Variants in FTO observed in about 807,000 individuals in gnomAD.
FTO encodes the protein FTO alpha-ketoglutarate dependent dioxygenase, also known as alpha-ketoglutarate-dependent dioxygenase FTO.
FTO carries 47 observed loss-of-function variants against 63.9 expected under a neutral mutation model. The ratio of observed to expected loss-of-function variants is 0.74; its 90% confidence interval spans 0.58 to 0.94. FTO has a LOEUF of 0.94. Ranked by LOEUF, FTO falls within the 40% of genes least tolerant of loss-of-function variation. The pLI, the probability that FTO is intolerant of heterozygous loss-of-function variation, is 0.00. For missense variants in FTO, 562 were observed against 618.1 expected (o/e 0.91, Z 0.96); for synonymous variants, 207 against 224.4 (o/e 0.92, Z 0.69).
intron 8 of FTO, chr16:54,052,401 A>G (rs1406696992): frequency 6.6e-6 from 1 of 152,200 alleles, no homozygotes; most frequent in African/African-American, 2.4e-5. Flanking sequence ...TTGATATGTG[A>G]TGAAACACAG....
chr16:53,871,142 A>G (rs2080480795), intron 4 of FTO, among the ~76,000 whole-genome samples: 1 of 152,112 alleles, frequency 6.6e-6, no homozygotes, highest in South Asian at 2.1e-4. Flanking sequence ...GTTTAGTCTT[A>G]TATCTTTTTT....
At chr16:54,052,132 A>T (rs1029762745) in intron 8 of FTO, among the ~76,000 whole-genome samples, 1 of 152,138 alleles carries the variant, frequency 6.6e-6, no homozygotes, top group Admixed American at 6.5e-5. Flanking sequence ...CTTCATGGTT[A>T]TGGGCATGTA....
At chr16:53,754,894 G>T (rs1028821075) in intron 1 of FTO, among the ~76,000 whole-genome samples, 6 of 152,102 alleles carry the variant, frequency 3.9e-5, no homozygotes, top group Non-Finnish European at 8.8e-5. Flanking sequence ...TTAACAGATC[G>T]TATGACAATA....
In FTO at chr16:53,754,692, G is replaced by A. The variant is rs548227716; in HGVS notation, c.45+50463G>A. ...TTAAGGGAAAATTAATGGTGAGTTA[G>A]GAAAGGCATGATACACAATGCACCA... On this transcript the variant is annotated intron_variant, in intron 1 of 8. Transcript: ENST00000471389. Among the ~76,000 whole-genome samples the A allele has an allele frequency of 8.5e-5, 13 of 152,236 alleles. No individual in the cohort carries two copies. In the East Asian group the frequency reaches 2.3e-3, roughly 27 times the overall value.
chr16:53,744,763 A>G (rs920295697), intron 1 of FTO, among the ~76,000 whole-genome samples: 1 of 152,300 alleles, frequency 6.6e-6, no homozygotes, highest in Admixed American at 6.5e-5. Context: ...ACAAGATGGA[A>G]AGCTTAACGT....
chr16:53,868,481 A>G (rs564829888), intron 4 of FTO, among the ~76,000 whole-genome samples: 19 of 152,110 alleles, frequency 1.2e-4, no homozygotes, highest in African/African-American at 4.6e-4. Context: ...AAATATTCCT[A>G]ATTTTTTTCT....
At chr16:53,810,277 C>T (rs995135852) in intron 2 of FTO, 60 bp downstream of exon 2, 3 of 1,221,520 alleles carry the variant, frequency 2.5e-6, no homozygotes, top group African/African-American at 1.5e-5. Flanking sequence ...CCTTATTTTA[C>T]CTATGAGGAA....
At chr16:53,988,105 T>C (rs2083714892) in intron 8 of FTO, among the ~76,000 whole-genome samples, 1 of 152,214 alleles carries the variant, frequency 6.6e-6, no homozygotes, top group Non-Finnish European at 1.5e-5. Flanking sequence ...TATTTGCTAA[T>C]GAGACACAAA....
intron 8 of FTO, among the ~76,000 whole-genome samples, chr16:53,952,796 G>A (rs182594023): frequency 5.3e-5 from 8 of 152,316 alleles, no homozygotes; most frequent in Admixed American, 1.3e-4. Flanking sequence ...TAATGCACAT[G>A]TTTGAAGTTC....
chr16:53,706,854 T>C (rs542741125), intron 1 of FTO, among the ~76,000 whole-genome samples: 1 of 152,242 alleles, frequency 6.6e-6, no homozygotes, highest in African/African-American at 2.4e-5. Flanking sequence ...TTTTGGACTC[T>C]TATGAAAAAA....
chr16:53,808,385 T>C (rs956916916), intron 1 of FTO, among the ~76,000 whole-genome samples: 1 of 152,062 alleles, frequency 6.6e-6, no homozygotes, highest in African/African-American at 2.4e-5. Context: ...CTTTTCGTTG[T>C]AAATGAGAAA....
intron 1 of FTO, among the ~76,000 whole-genome samples, chr16:53,776,006 G>A (rs1201494551): frequency 6.6e-6 from 1 of 152,056 alleles, no homozygotes; most frequent in African/African-American, 2.4e-5. Context: ...ACATCTACTT[G>A]CTTGGGAAAA....
chr16:54,002,365 A>G (rs906778562), intron 8 of FTO, among the ~76,000 whole-genome samples: 2 of 152,260 alleles, frequency 1.3e-5, no homozygotes, highest in East Asian at 1.9e-4. Context: ...TGACTCAGCT[A>G]TCAAGATGCC....
chr16:53,948,612 A>G (rs1229657497), intron 8 of FTO, among the ~76,000 whole-genome samples: 1 of 152,234 alleles, frequency 6.6e-6, no homozygotes, highest in Non-Finnish European at 1.5e-5. Context: ...AGGAGGCAGG[A>G]TCTATGTTAG....
At chr16:53,837,143 A>G (rs2079319149) in intron 3 of FTO, among the ~76,000 whole-genome samples, 3 of 152,198 alleles carry the variant, frequency 2.0e-5, no homozygotes, top group African/African-American at 7.2e-5. Context: ...TTCAGATAAT[A>G]TAGTGATTTT....
rs190745134 is a variant in FTO, at chr16:53,842,648, G to T, written c.752-1507G>T. Among the ~76,000 whole-genome samples, 225 of 152,102 alleles carry T rather than the reference G, an allele frequency of 1.5e-3. 1 individual carries two copies. Among genetic ancestry groups the T allele is most frequent in the Non-Finnish European group, 2.3e-3 (158 of 68,004 alleles). On this transcript the variant is annotated intron_variant, in intron 3 of 8. Coordinates refer to ENST00000471389, the MANE Select transcript of FTO (RefSeq NM_001080432.3). Reference sequence around the variant, plus strand: ...AAAATCAGTCTTGAGTATCCTTCCAGAAATACTATATGTGCTTGATATTTA... The same window carrying T: ...AAAATCAGTCTTGAGTATCCTTCCATAAATACTATATGTGCTTGATATTTA...
chr16:53,722,981 C>T (rs1006015780), intron 1 of FTO, among the ~76,000 whole-genome samples: 5 of 152,092 alleles, frequency 3.3e-5, no homozygotes, highest in African/African-American at 1.2e-4. Context: ...CTATGTGTCC[C>T]GATTCATTTT....
chr16:53,721,386 AT>A (rs1349403940), intron 1 of FTO, among the ~76,000 whole-genome samples: 2 of 152,228 alleles, frequency 1.3e-5, no homozygotes, highest in Admixed American at 6.5e-5. Flanking sequence ...TTGATAAAAA[AT>A]ATTTTCTATT....
chr16:53,723,144 G>T (rs1418241744), intron 1 of FTO, among the ~76,000 whole-genome samples: 1 of 152,160 alleles, frequency 6.6e-6, no homozygotes, highest in Non-Finnish European at 1.5e-5. Flanking sequence ...TATTTTTGTA[G>T]CTGTAAAGAT....
Sources: gnomAD v4.1 joint callset for allele counts (sites outside exome capture counted in the v4.1 genomes callset) on GRCh38, gnomAD v4.1.1 for gene constraint, MANE v1.5 for transcripts, NCBI Gene and HGNC (gene_info 2026-07-23, HGNC 2026-07-21) for gene names.